ANKRD31: variants seen among roughly 807,000 people sequenced by gnomAD.
The protein encoded by ANKRD31 is ankyrin repeat domain-containing protein 31.
In ANKRD31, 147 loss-of-function variants were observed where a neutral mutation model predicts 186.0. The observed-to-expected ratio is 0.79, with a 90% CI of 0.69 to 0.91. ANKRD31 has a LOEUF of 0.91. Ranked by LOEUF, ANKRD31 falls within the 40% of genes least tolerant of loss-of-function variation. ANKRD31 has a pLI of 0.00. For synonymous variants in ANKRD31, 673 were observed against 736.4 expected, an observed-to-expected ratio of 0.91 and a Z score of 1.39; for missense variants, 1,986 against 2,148.8, an observed-to-expected ratio of 0.92 and a Z score of 1.50.
intron 25 of ANKRD31, among the ~76,000 whole-genome samples, chr5:75,076,834 G>A (rs1397828209): frequency 1.3e-5 from 2 of 152,084 alleles, no homozygotes; most frequent in Admixed American, 6.6e-5. Flanking sequence ...ACTGTGGCAG[G>A]AATTAGCGAC....
At chr5:75,117,660 C>T (rs1231364368) in intron 18 of ANKRD31, among the ~76,000 whole-genome samples, 2 of 151,640 alleles carry the variant, frequency 1.3e-5, no homozygotes, top group African/African-American at 4.9e-5. Flanking sequence ...AGAACAATTC[C>T]CTCCCCTCAA....
chr5:75,113,889 C>T (rs1747983392), intron 19 of ANKRD31, among the ~76,000 whole-genome samples: 1 of 152,180 alleles, frequency 6.6e-6, no homozygotes, highest in South Asian at 2.1e-4. Flanking sequence ...AGAATTTGTG[C>T]TCAGGCTAAG....
chr5:75,201,693 A>G (rs191608286), intron 5 of ANKRD31, among the ~76,000 whole-genome samples: 4 of 152,280 alleles, frequency 2.6e-5, no homozygotes, highest in Admixed American at 2.6e-4. Flanking sequence ...TGGGCATACC[A>G]AAGTTGGTTC....
chr5:75,202,429 T>C (rs1407859891), intron 5 of ANKRD31, among the ~76,000 whole-genome samples: 1 of 152,228 alleles, frequency 6.6e-6, no homozygotes, highest in Non-Finnish European at 1.5e-5. Flanking sequence ...TTTTTGTCTA[T>C]CCTTTAATAA....
chr5:75,236,775 G>A lies in ANKRD31; in HGVS notation c.-89C>T. 2.0e-6 allele frequency: 2 copies of A among 1,012,538 alleles called. No homozygotes were observed. Among genetic ancestry groups the A allele is most frequent in the South Asian group, 1.6e-5 (1 of 63,202 alleles). 62.7% of individuals were successfully genotyped at this position (1,012,538 alleles called of 1,614,324 possible). ...AACGCTTTGAGGGCCAGGGGAAATT[G>A]TGAATTAAAAATAAAAATAATATAA... is the stretch of plus-strand genomic sequence containing the variant. On this transcript the variant is annotated 5_prime_UTR_variant, in exon 1 of 26. Coordinates refer to ENST00000506364, the MANE Select transcript of ANKRD31 (RefSeq NM_001372053.1).
At chr5:75,184,221 C>T (rs1754540698) in intron 10 of ANKRD31, among the ~76,000 whole-genome samples, 2 of 152,054 alleles carry the variant, frequency 1.3e-5, no homozygotes, top group Non-Finnish European at 2.9e-5. Flanking sequence ...AAACTGGATC[C>T]TTATTTTCAA....
At chr5:75,101,703 T>G (rs1245239290) in intron 22 of ANKRD31, among the ~76,000 whole-genome samples, 1 of 152,230 alleles carries the variant, frequency 6.6e-6, no homozygotes, top group Non-Finnish European at 1.5e-5. Flanking sequence ...ATATCTTTTT[T>G]CCAGTTGATC....
chr5:75,134,339 C>G (rs1026916871), intron 17 of ANKRD31, among the ~76,000 whole-genome samples: 1 of 152,076 alleles, frequency 6.6e-6, no homozygotes, highest in Non-Finnish European at 1.5e-5. Context: ...GATATCACCA[C>G]CGATTCCACA....
chr5:75,080,418 T>C (rs1014779520), intron 25 of ANKRD31, 150 bp downstream of exon 25: 2 of 486,002 alleles, frequency 4.1e-6, no homozygotes. Flanking sequence ...TCTTAGTCTA[T>C]CAGGAAATAA....
intron 10 of ANKRD31, among the ~76,000 whole-genome samples, chr5:75,176,212 G>C (rs1468648819): frequency 2.0e-5 from 3 of 152,304 alleles, no homozygotes; most frequent in Admixed American, 6.5e-5. Context: ...GCTCAGGCTT[G>C]AGTAGGTTAA....
intron 1 of ANKRD31, among the ~76,000 whole-genome samples, chr5:75,235,357 C>T (rs1006770597): frequency 6.8e-6 from 1 of 147,986 alleles, no homozygotes; most frequent in African/African-American, 2.5e-5. Context: ...CAACCAAAAA[C>T]TCCGAATGAA....
At chr5:75,230,417 T>C (rs1038911103) in intron 2 of ANKRD31, 145 bp downstream of exon 2, 4 of 595,002 alleles carry the variant, frequency 6.7e-6, no homozygotes, top group Non-Finnish European at 8.5e-6. Context: ...TTAACTGTTA[T>C]TTATACAAAT....
chr5:75,101,051 A>T (rs2150050212), intron 22 of ANKRD31, among the ~76,000 whole-genome samples: 1 of 152,258 alleles, frequency 6.6e-6, no homozygotes, highest in South Asian at 2.1e-4. Flanking sequence ...TGTTTTTTGC[A>T]GTGGCTGGTA....
Position 75,139,003 on chromosome 5 carries a change from GA to G in ANKRD31, c.3596-21del. 6.5e-7 allele frequency: 1 copy of G among 1,535,098 alleles called. No homozygotes were observed. Among genetic ancestry groups the G allele is most frequent in the Non-Finnish European group, 8.7e-7 (1 of 1,145,890 alleles). On this transcript the variant is annotated intron_variant, in intron 15 of 25. Coordinates refer to ENST00000506364, the MANE Select transcript of ANKRD31 (RefSeq NM_001372053.1). Reference sequence around the variant, plus strand: ...TCATTCCTGTAAATTTGCCAAACAAGAGGTTTATTTTCTGCCAAATGCTGAT... The same window carrying G: ...TCATTCCTGTAAATTTGCCAAACAAGGGTTTATTTTCTGCCAAATGCTGAT...
intron 17 of ANKRD31, among the ~76,000 whole-genome samples, chr5:75,125,873 G>A (rs886157450): frequency 1.3e-5 from 2 of 152,162 alleles, no homozygotes; most frequent in African/African-American, 4.8e-5. Context: ...CAAAGATTAT[G>A]TGACCAAGAA....
At chr5:75,230,414 T>C (rs1757879211) in intron 2 of ANKRD31, 148 bp downstream of exon 2, 1 of 587,028 alleles carries the variant, frequency 1.7e-6, no homozygotes. Context: ...AACTTAACTG[T>C]TATTTATACA....
intron 17 of ANKRD31, among the ~76,000 whole-genome samples, chr5:75,118,942 T>C (rs992316187): frequency 3.9e-5 from 6 of 152,178 alleles, no homozygotes; most frequent in African/African-American, 1.4e-4. Flanking sequence ...AACAACATTA[T>C]AAATTGTGAT....
At chr5:75,173,721 T>C (rs541583111) in intron 10 of ANKRD31, among the ~76,000 whole-genome samples, 20 of 152,018 alleles carry the variant, frequency 1.3e-4, no homozygotes, top group Admixed American at 1.2e-3. Flanking sequence ...CACTGCTCAA[T>C]GAAATAAGAG....
intron 17 of ANKRD31, among the ~76,000 whole-genome samples, chr5:75,120,464 A>G (rs544640565): frequency 1.2e-4 from 19 of 152,332 alleles, no homozygotes; most frequent in African/African-American, 4.1e-4. Flanking sequence ...AAAACTTTCT[A>G]GTTAGGAAAA....
Sources: allele counts gnomAD v4.1 joint callset (sites outside exome capture counted in the v4.1 genomes callset), GRCh38; gene constraint gnomAD v4.1.1; transcripts MANE v1.5; gene names NCBI Gene and HGNC (gene_info 2026-07-23, HGNC 2026-07-21).